CATSPERH: variants seen among roughly 807,000 people sequenced by gnomAD.
CATSPERH encodes the protein cation channel sperm-associated auxiliary subunit eta.
At chr11:65,089,069 T>C in the CATSPERH span, 12 of 1,508,410 alleles carry the variant, frequency 8.0e-6, no homozygotes, top group Middle Eastern at 1.8e-4. Context: ...ACTTGAGAGC[T>C]GGAGCAAGCA....
the CATSPERH span, chr11:65,088,400 A>T: frequency 6.7e-7 from 1 of 1,501,194 alleles, no homozygotes; most frequent in Non-Finnish European, 9.0e-7. Flanking sequence ...TTATTAAAAC[A>T]CCCGAGGCAG....
the CATSPERH span, chr11:65,088,401 C>T: frequency 3.3e-6 from 5 of 1,504,224 alleles, no homozygotes; most frequent in Non-Finnish European, 4.5e-6. Context: ...TATTAAAACA[C>T]CCGAGGCAGC....
the CATSPERH span, chr11:65,089,038 C>T: frequency 5.9e-5 from 90 of 1,534,828 alleles, 1 homozygote; most frequent in African/African-American, 2.5e-4. Flanking sequence ...ACATCTTGCC[C>T]GCAGTGTAGA....
chr11:65,088,846 C>A, the CATSPERH span: 9 of 1,535,824 alleles, frequency 5.9e-6, no homozygotes, highest in South Asian at 1.1e-4. Context: ...TGCGTCCCTG[C>A]CCTGAGCCTA....
the CATSPERH span, chr11:65,088,945 G>C: frequency 6.5e-7 from 1 of 1,535,732 alleles, no homozygotes; most frequent in Non-Finnish European, 8.7e-7. Context: ...AGATGCCCAG[G>C]TGTAAGAAGA....
the CATSPERH span, chr11:65,088,422 C>T: frequency 1.3e-6 from 2 of 1,533,714 alleles, no homozygotes; most frequent in Non-Finnish European, 1.7e-6. Flanking sequence ...CTTTTGCTTC[C>T]CCCTCCTTAG....
At chr11:65,088,858 C>T in the CATSPERH span, 6 of 1,535,710 alleles carry the variant, frequency 3.9e-6, no homozygotes, top group East Asian at 2.4e-5. Context: ...CTGAGCCTAC[C>T]ATCAGGACGA....
chr11:65,088,915 G>C, the CATSPERH span: 2 of 1,535,676 alleles, frequency 1.3e-6, no homozygotes, highest in Non-Finnish European at 1.7e-6. Flanking sequence ...TGATGCAGAA[G>C]TTGTGCACGT....
chr11:65,088,409 A>T, the CATSPERH span: 3 of 1,517,978 alleles, frequency 2.0e-6, no homozygotes, highest in Non-Finnish European at 2.7e-6. Context: ...CACCCGAGGC[A>T]GCCTTTTGCT....
At chr11:65,089,097 G>T in the CATSPERH span, 1 of 1,309,350 alleles carries the variant, frequency 7.6e-7, no homozygotes, top group East Asian at 2.5e-5. Flanking sequence ...CCCAGGAAAA[G>T]CAGCAGAGTC....
chr11:65,088,837 G>A, the CATSPERH span: 4 of 1,535,414 alleles, frequency 2.6e-6, no homozygotes, highest in African/African-American at 5.5e-5. Flanking sequence ...GCCAGCCCTT[G>A]CGTCCCTGCC....
chr11:65,088,629 C>T, the CATSPERH span: 1 of 1,535,390 alleles, frequency 6.5e-7, no homozygotes, highest in Non-Finnish European at 8.7e-7. Context: ...CCCTCTTGCA[C>T]CCTCCCACTC....
the CATSPERH span, chr11:65,088,761 A>G: frequency 6.5e-7 from 1 of 1,535,856 alleles, no homozygotes; most frequent in Non-Finnish European, 8.7e-7. Context: ...CTGTAGGCCC[A>G]TCCAGTGGGA....
the CATSPERH span, chr11:65,089,005 C>T: frequency 5.9e-6 from 9 of 1,535,626 alleles, no homozygotes; most frequent in East Asian, 7.3e-5. Flanking sequence ...GGAAGAAGAA[C>T]GTGGCGATGC....
At chr11:65,088,434 C>T in the CATSPERH span, 2 of 1,535,994 alleles carry the variant, frequency 1.3e-6, no homozygotes, top group Admixed American at 2.0e-5. Context: ...CCTCCTTAGC[C>T]CTGTTCCGAC....
At chr11:65,088,980 G>C in the CATSPERH span, 6 of 1,535,644 alleles carry the variant, frequency 3.9e-6, no homozygotes, top group South Asian at 7.1e-5. Context: ...GCCGTGGTGA[G>C]CATCATGCCT....
At chr11:65,088,391 T>C in the CATSPERH span, 1 of 1,484,844 alleles carries the variant, frequency 6.7e-7, no homozygotes, top group Non-Finnish European at 9.1e-7. Context: ...ACAACAACTT[T>C]ATTAAAACAC....
the CATSPERH span, chr11:65,088,838 C>T: frequency 1.7e-5 from 26 of 1,535,336 alleles, no homozygotes; most frequent in African/African-American, 1.2e-4. Flanking sequence ...CCAGCCCTTG[C>T]GTCCCTGCCC....
At chr11:65,089,068 C>G in the CATSPERH span, 54,295 of 1,508,810 alleles carry the variant, frequency 0.036, 1,227 homozygotes, top group East Asian at 0.057. Context: ...GACTTGAGAG[C>G]TGGAGCAAGC....
Sources: gnomAD v4.1 joint callset for allele counts on GRCh38, gnomAD v4.1.1 for gene constraint, MANE v1.5 for transcripts, NCBI Gene and HGNC (gene_info 2026-07-23, HGNC 2026-07-21) for gene names.